STK32B: variants seen among roughly 807,000 people sequenced by gnomAD.
STK32B encodes serine/threonine kinase 32B.
In STK32B, 43 loss-of-function variants were observed where a neutral mutation model predicts 52.6. That is an observed-to-expected ratio of 0.82 (90% CI 0.64 to 1.05). The LOEUF (loss-of-function observed/expected upper bound fraction) is 1.05. Ranked by LOEUF, STK32B falls within the 50% of genes least tolerant of loss-of-function variation. The probability of loss-of-function intolerance (pLI) is 0.00; values close to 1 mark genes in which losing one functional copy is unlikely to be tolerated. For synonymous variants in STK32B, 238 were observed against 204.3 expected (o/e 1.17, Z -1.41); for missense variants, 621 against 534.6 (o/e 1.16, Z -1.59).
chr4:5,425,107 C>T (rs143538493), intron 6 of STK32B, among the ~76,000 whole-genome samples: 167 of 152,370 alleles, frequency 1.1e-3, no homozygotes, highest in African/African-American at 3.6e-3. Context: ...ACCCCATGCT[C>T]GCTTGCTCAC....
intron 4 of STK32B, among the ~76,000 whole-genome samples, chr4:5,368,916 C>T (rs1450371503): frequency 6.6e-6 from 1 of 152,140 alleles, no homozygotes; most frequent in Non-Finnish European, 1.5e-5. Flanking sequence ...CTCTTCCTTG[C>T]TGTGGCAAAG....
At chr4:5,307,546 A>ATTTTTTTTTTTTTTTTT (rs769423490) in intron 3 of STK32B, among the ~76,000 whole-genome samples, 1 of 131,098 alleles carries the variant, frequency 7.6e-6, no homozygotes, top group African/African-American at 3.4e-5. Flanking sequence ...CATATGCTCT[A>ATTTTTTTTTTTTTTTTT]TCTTTTTTTT....
the STK32B span, among the ~76,000 whole-genome samples, chr4:5,043,462 T>C: frequency 6.6e-6 from 1 of 152,240 alleles, no homozygotes; most frequent in Non-Finnish European, 1.5e-5. Flanking sequence ...GCTATATGTC[T>C]CATAGTCCTT....
rs373488203 is a variant in STK32B, at chr4:5,395,085, G to A, written c.435-3122G>A. On this transcript the variant is annotated intron_variant, in intron 4 of 11. Transcript: ENST00000282908. This position sits in a 1 kb window ranked among gnomAD's most constrained non-coding sequence, Gnocchi z 4.4. The stretch of plus-strand genomic sequence containing the variant: ...CTTATGGCTGCAGGACTGGGGTCCC[G>A]TTTTCTTGCTACATATAGGCCAGCG... Among the ~76,000 whole-genome samples, 24 of 152,230 alleles carry A rather than the reference G, an allele frequency of 1.6e-4. No individual in the cohort carries two copies. The South Asian group carries it at 1.7e-3, about 11-fold the overall frequency.
At chr4:5,248,998 A>G (rs1361888542) in intron 3 of STK32B, among the ~76,000 whole-genome samples, 1 of 152,178 alleles carries the variant, frequency 6.6e-6, no homozygotes, top group Non-Finnish European at 1.5e-5. Flanking sequence ...TAATGGGTGC[A>G]GCACACCGAC....
At chr4:5,133,245 A>G (rs1292895229) in intron 1 of STK32B, among the ~76,000 whole-genome samples, 1 of 152,152 alleles carries the variant, frequency 6.6e-6, no homozygotes, top group Non-Finnish European at 1.5e-5. Flanking sequence ...ATACTCAGTC[A>G]TCATTTCAAC....
intron 11 of STK32B, among the ~76,000 whole-genome samples, chr4:5,484,555 G>A (rs566408754): frequency 6.6e-6 from 1 of 152,116 alleles, no homozygotes; most frequent in Non-Finnish European, 1.5e-5. Flanking sequence ...TTGCCAGTCT[G>A]TCTCTTTTAA....
chr4:5,441,185 A>G (rs1207098363), intron 6 of STK32B, among the ~76,000 whole-genome samples: 14 of 150,250 alleles, frequency 9.3e-5, no homozygotes, highest in African/African-American at 3.4e-4. Context: ...GAATGGTACC[A>G]GTTCCTCCTT....
At chr4:5,079,225 G>C (rs1202428923) in intron 1 of STK32B, among the ~76,000 whole-genome samples, 1 of 152,092 alleles carries the variant, frequency 6.6e-6, no homozygotes, top group African/African-American at 2.4e-5. Context: ...CCTATTGTTG[G>C]ATGTTTGGGC....
chr4:5,227,186 C>G (rs1477016167), intron 3 of STK32B, among the ~76,000 whole-genome samples: 1 of 152,084 alleles, frequency 6.6e-6, no homozygotes, highest in Admixed American at 6.6e-5. Flanking sequence ...TTCTTTGATA[C>G]CACACCAAAA....
chr4:5,406,400 C>T (rs916309910), intron 5 of STK32B, among the ~76,000 whole-genome samples: 1 of 152,156 alleles, frequency 6.6e-6, no homozygotes, highest in African/African-American at 2.4e-5. Context: ...GGGCCCTCTT[C>T]TCACAACTCC....
rs1156559946 is a variant in STK32B, at chr4:5,500,921, C to G, written c.*1838C>G. 1 of 151,978 alleles carries G rather than the reference C, an allele frequency of 6.6e-6. No homozygotes were observed. The highest frequency in any genetic ancestry group is 2.4e-5 in the African/African-American group (1 of 41,402). 9.4% of individuals were successfully genotyped at this position (151,978 alleles called of 1,614,324 possible). On this transcript the variant is annotated 3_prime_UTR_variant, in exon 12 of 12. Transcript: ENST00000282908. The stretch of plus-strand genomic sequence containing the variant: ...TTAGGGGCAGGAGCTGGAAGTCGCC[C>G]TAGGAACACCAGATTTCCTGGTTCT...
the STK32B span, among the ~76,000 whole-genome samples, chr4:5,024,725 G>T: frequency 4.6e-5 from 7 of 152,206 alleles, no homozygotes; most frequent in Non-Finnish European, 7.3e-5. Context: ...CTGGCCATAG[G>T]TGCCTGTTCT....
Position 5,394,989 on chromosome 4 carries a change from G to GC in STK32B, c.435-3217dup, listed in dbSNP as rs1407921927. Among the ~76,000 whole-genome samples, 1 of 152,188 alleles carries GC rather than the reference G, an allele frequency of 6.6e-6. No individual in the cohort carries two copies. Among genetic ancestry groups the GC allele is most frequent in the African/African-American group, 2.4e-5 (1 of 41,450 alleles). ...AAACTACAATCCACATGCCCACCGG[G>GC]CTGCACTCCTTTCTGGAACATGGGG... On this transcript the variant is annotated intron_variant, in intron 4 of 11. Coordinates refer to ENST00000282908, the MANE Select transcript of STK32B (RefSeq NM_018401.3). The surrounding 1 kb of genome is among the most constrained non-coding windows in gnomAD (Gnocchi z 4.2).
At chr4:5,234,022 C>T (rs1361886579) in intron 3 of STK32B, among the ~76,000 whole-genome samples, 1 of 152,052 alleles carries the variant, frequency 6.6e-6, no homozygotes, top group African/African-American at 2.4e-5. Flanking sequence ...CCTGGATCTG[C>T]CCTGACTCCA....
At chr4:5,181,696 A>G (rs988131489) in intron 3 of STK32B, among the ~76,000 whole-genome samples, 4 of 152,248 alleles carry the variant, frequency 2.6e-5, no homozygotes, top group Non-Finnish European at 5.9e-5. Flanking sequence ...AATTATGTCT[A>G]AAAAACAAGG....
At chr4:5,409,100 A>G (rs1370626749) in intron 5 of STK32B, among the ~76,000 whole-genome samples, 1 of 152,202 alleles carries the variant, frequency 6.6e-6, no homozygotes, top group South Asian at 2.1e-4. Context: ...TCCTCCATCT[A>G]TTGAGATTGT....
At chr4:5,431,646 CCTT>C (rs942259671) in intron 6 of STK32B, among the ~76,000 whole-genome samples, 31 of 152,304 alleles carry the variant, frequency 2.0e-4, no homozygotes, top group African/African-American at 2.9e-4. Flanking sequence ...TGTTTCCTCT[CCTT>C]CTTCCTATGC....
intron 3 of STK32B, among the ~76,000 whole-genome samples, chr4:5,325,953 C>A (rs941910139): frequency 1.3e-5 from 2 of 152,178 alleles, no homozygotes; most frequent in African/African-American, 4.8e-5. Context: ...TTGAGTGTCT[C>A]TGGGAATGTA....
Sources: gnomAD v4.1 joint callset for allele counts (sites outside exome capture counted in the v4.1 genomes callset) on GRCh38, gnomAD v4.1.1 for gene constraint, Gnocchi (gnomAD v3.1) non-coding constraint, MANE v1.5 for transcripts, NCBI Gene and HGNC (gene_info 2026-07-23, HGNC 2026-07-21) for gene names.